UNC79: variants seen among roughly 807,000 people sequenced by gnomAD.
The protein encoded by UNC79 is unc-79 subunit of NALCN channel complex, also known as protein unc-79 homolog.
Under a neutral mutation model 283.1 loss-of-function variants are expected in UNC79, and 37 were observed. The observed-to-expected ratio is 0.13, with a 90% CI of 0.10 to 0.17. UNC79 has a LOEUF of 0.17. Among genes scored for constraint, UNC79 ranks in the 10% least tolerant of loss-of-function variants. UNC79 has a pLI of 1.00. For missense variants in UNC79, 2,272 were observed against 3,211.1 expected (o/e 0.71, Z 7.07); for synonymous variants, 1,107 against 1,200.2 (o/e 0.92, Z 1.61).
chr14:93,393,775 AT>A (rs1219139496), intron 1 of UNC79, among the ~76,000 whole-genome samples: 1 of 152,080 alleles, frequency 6.6e-6, no homozygotes, highest in Non-Finnish European at 1.5e-5. Flanking sequence ...GTGATTGGAT[AT>A]TTCCCACCCC....
intron 35 of UNC79, among the ~76,000 whole-genome samples, chr14:93,653,131 A>T (rs1043414841): frequency 2.0e-5 from 3 of 152,030 alleles, no homozygotes; most frequent in African/African-American, 7.2e-5. Context: ...ATCAAGAAGC[A>T]TCCTTTCTGG....
At position 93,612,168 on chromosome 14, in the gene UNC79, C is replaced by T. The variant is rs559315924; in HGVS notation, c.3755-629C>T. Among the ~76,000 whole-genome samples, 184 of 152,240 alleles carry T rather than the reference C, an allele frequency of 1.2e-3. 1 individual carries two copies. Among genetic ancestry groups the T allele is most frequent in the African/African-American group, 4.3e-3 (177 of 41,550 alleles). The stretch of plus-strand genomic sequence containing the variant: ...GCTTCGCTCTCTTTCTGTTTGTGTC[C>T]TCTCCCTTCCTTGTATGTTTCTCAT... On this transcript the variant is annotated intron_variant, in intron 26 of 48. Coordinates refer to ENST00000555664, the Ensembl canonical transcript of UNC79.
At position 93,690,234 on chromosome 14, in the gene UNC79, T is replaced by C; in HGVS notation, c.7203T>C (p.Pro2401=). The C allele has an allele frequency of 6.2e-7, 1 of 1,614,192 alleles. No homozygotes were observed. Among genetic ancestry groups the C allele is most frequent in the Non-Finnish European group, 8.5e-7 (1 of 1,180,038 alleles). ...CCTCCTCTCCCTGCCTGCCCATTCCTCTGGATGCAGGCTCCCACGTTGCAG... is the reference window on the plus strand; with the variant it reads ...CCTCCTCTCCCTGCCTGCCCATTCCCCTGGATGCAGGCTCCCACGTTGCAG... The change falls in exon 45 of 49, where the codon CCT becomes CCC. Residue 2401 remains proline (P), a synonymous_variant. Transcript: ENST00000555664. This position sits in a 1 kb window ranked among gnomAD's most constrained non-coding sequence, Gnocchi z 4.3.
chr14:93,573,944 G>A (rs1366942153), intron 16 of UNC79, among the ~76,000 whole-genome samples: 1 of 152,230 alleles, frequency 6.6e-6, no homozygotes, highest in African/African-American at 2.4e-5. Context: ...GATCGAGGCT[G>A]CAGTGAGCTA....
intron 1 of UNC79, among the ~76,000 whole-genome samples, chr14:93,352,928 T>G (rs1484737780): frequency 6.6e-6 from 1 of 152,256 alleles, no homozygotes; most frequent in Non-Finnish European, 1.5e-5. Context: ...AATCAAGTGC[T>G]GTTTTAAATG....
chr14:93,462,007 G>A (rs1280242718), intron 1 of UNC79, among the ~76,000 whole-genome samples: 1 of 150,578 alleles, frequency 6.6e-6, no homozygotes. Context: ...AACAAAAACC[G>A]GTGTTAAGGA....
At chr14:93,440,765 A>C (rs1461569574) in intron 1 of UNC79, among the ~76,000 whole-genome samples, 1 of 152,014 alleles carries the variant, frequency 6.6e-6, no homozygotes, top group East Asian at 1.9e-4. Flanking sequence ...GTTGATTTCT[A>C]ATTTTATTGC....
intron 22 of UNC79, among the ~76,000 whole-genome samples, chr14:93,587,589 T>A (rs1318743101): frequency 6.6e-6 from 1 of 152,236 alleles, no homozygotes; most frequent in Non-Finnish European, 1.5e-5. Flanking sequence ...GAGGGCTTAC[T>A]GTATACATTC....
intron 40 of UNC79, among the ~76,000 whole-genome samples, chr14:93,672,618 C>G (rs1384529569): frequency 6.6e-6 from 1 of 152,078 alleles, no homozygotes; most frequent in East Asian, 1.9e-4. Flanking sequence ...GTGACCATAA[C>G]TAATGACAGT....
chr14:93,614,816 C>G (rs1475566072), intron 27 of UNC79, among the ~76,000 whole-genome samples: 5 of 152,104 alleles, frequency 3.3e-5, no homozygotes, highest in African/African-American at 4.8e-5. Flanking sequence ...ATCCATTCCC[C>G]TAGTTATGGA....
chr14:93,631,059 G>T, intron 31 of UNC79, 151 bp downstream of exon 33: 1 of 727,828 alleles, frequency 1.4e-6, no homozygotes, highest in Admixed American at 2.7e-5. Context: ...TATTCTCAGA[G>T]ACCCTGAGGA....
At chr14:93,590,954 A>T (rs1253692541) in intron 22 of UNC79, among the ~76,000 whole-genome samples, 2 of 152,206 alleles carry the variant, frequency 1.3e-5, no homozygotes, top group African/African-American at 4.8e-5. Flanking sequence ...TGGTGGTAGC[A>T]GCTTCAGGTT....
At chr14:93,575,292 C>G (rs2063410096) in intron 17 of UNC79, 94 bp downstream of exon 17, 1 of 1,513,016 alleles carries the variant, frequency 6.6e-7, no homozygotes, top group Non-Finnish European at 9.0e-7. Flanking sequence ...CATAAGAAAC[C>G]AAAAATGTGT....
At chr14:93,487,976 T>C (rs1481852351) in intron 5 of UNC79, among the ~76,000 whole-genome samples, 1 of 152,178 alleles carries the variant, frequency 6.6e-6, no homozygotes, top group Non-Finnish European at 1.5e-5. Flanking sequence ...ATTTTAGACA[T>C]TGACTGGAAA....
chr14:93,593,615 G>A (rs1423470870), intron 22 of UNC79, 65 bp from the exon 23 acceptor site: 1 of 1,548,844 alleles, frequency 6.5e-7, no homozygotes, highest in Non-Finnish European at 8.7e-7. Flanking sequence ...AAATTAAGAG[G>A]ACAGGATCTT....
intron 1 of UNC79, among the ~76,000 whole-genome samples, chr14:93,377,130 G>A (rs992643728): frequency 1.9e-4 from 26 of 134,428 alleles, no homozygotes; most frequent in Middle Eastern, 4.6e-3. Flanking sequence ...ATGGAGTCTC[G>A]CTCTGTCACC....
In UNC79 at chr14:93,617,190, C is replaced by T. The variant is rs781630538; in HGVS notation, c.4110C>T (p.Cys1370=). ...TAGTGGTTCAGGTGCTCAAATACTGCTCTTGTCCTCAACTCCGGCATTATT... is the reference window on the plus strand; with the variant it reads ...TAGTGGTTCAGGTGCTCAAATACTGTTCTTGTCCTCAACTCCGGCATTATT... The change falls in exon 28 of 49, where the codon TGC becomes TGT. Residue 1370 remains cysteine (C), a synonymous_variant. Coordinates refer to ENST00000555664, the Ensembl canonical transcript of UNC79. The surrounding 1 kb of genome is among the most constrained non-coding windows in gnomAD (Gnocchi z 4.5). The T allele has an allele frequency of 2.8e-5, 45 of 1,614,054 alleles. No homozygotes were observed. Among genetic ancestry groups the T allele is most frequent in the South Asian group, 1.8e-4 (16 of 91,084 alleles).
chr14:93,431,107 C>G, intron 1 of UNC79, 56 bp downstream of exon 1: 1 of 585,558 alleles, frequency 1.7e-6, no homozygotes, highest in South Asian at 1.5e-5. Context: ...GCTATTGCAG[C>G]TGCGGCGTTT....
intron 41 of UNC79, among the ~76,000 whole-genome samples, chr14:93,676,146 T>A (rs2073324026): frequency 6.6e-6 from 1 of 152,186 alleles, no homozygotes; most frequent in South Asian, 2.1e-4. Flanking sequence ...AACCTCTGCC[T>A]CCCTGGCTCA....
Sources: gnomAD v4.1 joint callset for allele counts (sites outside exome capture counted in the v4.1 genomes callset) on GRCh38, gnomAD v4.1.1 for gene constraint, Gnocchi (gnomAD v3.1) non-coding constraint, MANE v1.5 for transcripts, NCBI Gene and HGNC (gene_info 2026-07-23, HGNC 2026-07-21) for gene names.